The following ACSS3 variants were observed in gnomAD, a reference collection of about 807,000 sequenced individuals.
ACSS3 encodes acyl-CoA synthetase short-chain family member 3, mitochondrial.
In ACSS3, 64 loss-of-function variants were observed where a neutral mutation model predicts 84.2. That is an observed-to-expected ratio of 0.76 (90% CI 0.62 to 0.94). ACSS3 has a LOEUF of 0.94. ACSS3 is among the 40% of genes least tolerant of loss of function. The pLI is 0.00. For synonymous variants in ACSS3, 317 were observed against 310.1 expected, an observed-to-expected ratio of 1.02 and a Z score of -0.23; for missense variants, 815 against 867.6, an observed-to-expected ratio of 0.94 and a Z score of 0.76.
Position 81,223,883 on chromosome 12 carries a change from G to A in ACSS3, c.1514+3807G>A, listed in dbSNP as rs188469375. Among the ~76,000 whole-genome samples the A allele has an allele frequency of 4.8e-4, 73 of 151,992 alleles. No individual in the cohort carries two copies. The South Asian group carries it at 0.012, about 26-fold the overall frequency. On this transcript the variant is annotated intron_variant, in intron 11 of 15. Transcript: ENST00000548058. Reference sequence around the variant, plus strand: ...GACCATCTTTTATCTAGGATAGGAGGCATCTAGGAGTGTAATATTTCGATT... The same window carrying A: ...GACCATCTTTTATCTAGGATAGGAGACATCTAGGAGTGTAATATTTCGATT...
At position 81,078,369 on chromosome 12, in the gene ACSS3, G is replaced by C. The variant is rs779285826; in HGVS notation, c.249G>C (p.Gln83His). Residue 83 changes from glutamine to histidine, a missense_variant, in exon 1 of 16, where the codon CAG becomes CAC. Physicochemically the swap from Gln to His is conservative, Grantham distance 24. Coordinates refer to ENST00000548058, the MANE Select transcript of ACSS3 (RefSeq NM_024560.4). ...PERFWGKAAE[Q>H]ISWYKPWTKT... ...GGTTCTGGGGCAAAGCTGCCGAGCA[G>C]ATCAGCTGGTACAAGCCCTGGACCA... 4 of 1,612,730 alleles carry C rather than the reference G, an allele frequency of 2.5e-6. No individual in the cohort carries two copies. The East Asian group carries it at 8.9e-5, about 36-fold the overall frequency.
At chr12:81,226,024 C>T (rs1287944096) in intron 11 of ACSS3, among the ~76,000 whole-genome samples, 2 of 151,866 alleles carry the variant, frequency 1.3e-5, no homozygotes, top group Non-Finnish European at 2.9e-5. Context: ...TCCTTCCAAT[C>T]GCCACAAATT....
In ACSS3 at chr12:81,258,307, G is replaced by T. The variant is rs1311317645; in HGVS notation, c.*3385G>T. The T allele has an allele frequency of 6.6e-6, 1 of 152,054 alleles. No homozygotes were observed. The highest frequency in any genetic ancestry group is 1.5e-5 in the Non-Finnish European group (1 of 67,978). The allele number at this position is 152,054 out of a possible 1,614,324, so 9.4% of individuals were successfully genotyped here. ...TTTATTGACAATGGAAAGGGTTTCT[G>T]TTATCATTACCTTTTGACTGAATCT... On this transcript the variant is annotated 3_prime_UTR_variant, in exon 16 of 16. Transcript: ENST00000548058.
chr12:81,228,911 T>A (rs935271138), intron 11 of ACSS3, among the ~76,000 whole-genome samples: 1 of 151,756 alleles, frequency 6.6e-6, no homozygotes, highest in Non-Finnish European at 1.5e-5. Flanking sequence ...TTAATATATA[T>A]TTTTTGATAT....
At chr12:81,234,919 A>G (rs1226018749) in intron 13 of ACSS3, among the ~76,000 whole-genome samples, 3 of 151,260 alleles carry the variant, frequency 2.0e-5, no homozygotes, top group Non-Finnish European at 3.0e-5. Flanking sequence ...ATTCTAATTT[A>G]TCATTTTTTT....
In ACSS3 at chr12:81,113,424, T is replaced by C. The variant is rs550606721; in HGVS notation, c.456+3720T>C. Among the ~76,000 whole-genome samples, 17 of 152,288 alleles carry C rather than the reference T, an allele frequency of 1.1e-4. No individual in the cohort carries two copies. In the South Asian group the frequency reaches 2.3e-3, roughly 20 times the overall value. On this transcript the variant is annotated intron_variant, in intron 2 of 15. Transcript: ENST00000548058. ...ATACAAATGTTCCTTTCCACACCAC[T>C]TCATAAATTCATTTTTTCACTTTCT...
intron 9 of ACSS3, among the ~76,000 whole-genome samples, chr12:81,202,316 A>T (rs975734345): frequency 1.3e-5 from 2 of 151,800 alleles, no homozygotes; most frequent in African/African-American, 4.8e-5. Context: ...AAATAAAAAT[A>T]AAATAAAATT....
chr12:81,251,666 T>TATAAAAAAAAAAAAAAAAAA (rs1423342468), intron 13 of ACSS3, among the ~76,000 whole-genome samples: 1 of 21,828 alleles, frequency 4.6e-5, no homozygotes, highest in African/African-American at 1.3e-4. Context: ...ACCCCATCTC[T>TATAAAAAAAAAAAAAAAAAA]ACAAAAAAAA....
intron 1 of ACSS3, among the ~76,000 whole-genome samples, chr12:81,097,863 T>C (rs546691533): frequency 6.6e-6 from 1 of 152,270 alleles, no homozygotes; most frequent in South Asian, 2.1e-4. Context: ...GTAGGAAACT[T>C]GTCTCTACCT....
chr12:81,082,048 G>A (rs1190516508), intron 1 of ACSS3, among the ~76,000 whole-genome samples: 1 of 152,184 alleles, frequency 6.6e-6, no homozygotes. Flanking sequence ...TGAAAGACAT[G>A]CATTAAATTA....
rs1399097527 is a variant in ACSS3, at chr12:81,152,116, A to G, written c.1098+20A>G. ...TATGAGGTAATAAAGTAAAGTTAATACCACATATAAATGATATTTATTTTA... is the reference window on the plus strand; with the variant it reads ...TATGAGGTAATAAAGTAAAGTTAATGCCACATATAAATGATATTTATTTTA... On this transcript the variant is annotated intron_variant, in intron 7 of 15. Coordinates refer to ENST00000548058, the MANE Select transcript of ACSS3 (RefSeq NM_024560.4). 6.4e-7 allele frequency: 1 copy of G among 1,569,208 alleles called. No homozygotes were observed. Among genetic ancestry groups the G allele is most frequent in the East Asian group, 2.2e-5 (1 of 44,540 alleles).
At position 81,261,018 on chromosome 12, in the gene ACSS3, T is replaced by G. The variant is rs924560750; in HGVS notation, c.*6096T>G. 2 of 152,192 alleles carry G rather than the reference T, an allele frequency of 1.3e-5. No individual in the cohort carries two copies. Among genetic ancestry groups the G allele is most frequent in the Non-Finnish European group, 2.9e-5 (2 of 68,038 alleles). The allele number at this position is 152,192 out of a possible 1,614,324, so 9.4% of individuals were successfully genotyped here. A position where few individuals can be genotyped will look rare whatever the true frequency, so the allele number is the denominator to read the frequency against. Reference sequence around the variant, plus strand: ...TTTTAAAGTAGCTTTCATTAATTGGTATTTCCTTAAAATCAAATGCTTGGT... The same window carrying G: ...TTTTAAAGTAGCTTTCATTAATTGGGATTTCCTTAAAATCAAATGCTTGGT... On this transcript the variant is annotated 3_prime_UTR_variant, in exon 16 of 16. Coordinates refer to ENST00000548058, the MANE Select transcript of ACSS3 (RefSeq NM_024560.4).
rs76088097 is a variant in ACSS3 at position 81,078,703 on chromosome 12, G to T, written c.311+272G>T. ...AGGTTCTGCTTTGGCAGTGGGAATA[G>T]TAAGAAAACTAAAACAAGATCCTGC... is the stretch of plus-strand genomic sequence containing the variant. On this transcript the variant is annotated intron_variant, in intron 1 of 15. Coordinates refer to ENST00000548058, the MANE Select transcript of ACSS3 (RefSeq NM_024560.4). 4.6e-5 allele frequency among the ~76,000 whole-genome samples: 7 copies of T among 152,266 alleles called. No individual in the cohort carries two copies. In the East Asian group the frequency reaches 1.4e-3, roughly 29 times the overall value.
rs12297640 is a variant in ACSS3, at chr12:81,156,650, G to A, written c.1098+4554G>A. Among the ~76,000 whole-genome samples, 188 of 152,126 alleles carry A rather than the reference G, an allele frequency of 1.2e-3. 1 individual carries two copies. Among genetic ancestry groups the A allele is most frequent in the African/African-American group, 4.2e-3 (175 of 41,512 alleles). ...GCTGCAGACATCAAAAGTGTAATAG[G>A]GGAATACTATGAGAAATTCAACACA... is the stretch of plus-strand genomic sequence containing the variant. On this transcript the variant is annotated intron_variant, in intron 7 of 15. Coordinates refer to ENST00000548058, the MANE Select transcript of ACSS3 (RefSeq NM_024560.4).
chr12:81,242,099 T>A (rs1293156649), intron 13 of ACSS3, among the ~76,000 whole-genome samples: 2 of 152,124 alleles, frequency 1.3e-5, no homozygotes, highest in Admixed American at 6.6e-5. Context: ...AGGGAATCCT[T>A]TCCCCATTGC....
At chr12:81,172,853 T>A (rs2030183225) in intron 7 of ACSS3, among the ~76,000 whole-genome samples, 1 of 152,222 alleles carries the variant, frequency 6.6e-6, no homozygotes, top group African/African-American at 2.4e-5. Context: ...TGAGTAATTA[T>A]TTTCTCATGA....
chr12:81,095,579 C>T (rs1482118596), intron 1 of ACSS3, among the ~76,000 whole-genome samples: 5 of 152,216 alleles, frequency 3.3e-5, no homozygotes, highest in Non-Finnish European at 4.4e-5. Context: ...GACTCACAAC[C>T]GGAGAATCTT....
At chr12:81,155,376 C>T (rs763008775) in intron 7 of ACSS3, among the ~76,000 whole-genome samples, 4 of 152,146 alleles carry the variant, frequency 2.6e-5, no homozygotes, top group Admixed American at 6.5e-5. Flanking sequence ...TTCTAAATCC[C>T]CTTTTTATAT....
chr12:81,244,962 T>C (rs1174920569), intron 13 of ACSS3, among the ~76,000 whole-genome samples: 1 of 151,996 alleles, frequency 6.6e-6, no homozygotes. Flanking sequence ...TTTTACCTTT[T>C]AGTATGCCTT....
Sources: allele counts gnomAD v4.1 joint callset (sites outside exome capture counted in the v4.1 genomes callset), GRCh38; gene constraint gnomAD v4.1.1; transcripts MANE v1.5; gene names NCBI Gene and HGNC (gene_info 2026-07-23, HGNC 2026-07-21).